Variants in GRID2 observed in about 807,000 individuals in gnomAD.
The protein encoded by GRID2 is glutamate ionotropic receptor delta type subunit 2, also known as glutamate receptor ionotropic, delta-2.
In GRID2, 33 loss-of-function variants were observed where a neutral mutation model predicts 114.8. That is an observed-to-expected ratio of 0.29 (90% CI 0.22 to 0.38). GRID2 has a LOEUF of 0.38. Among genes scored for constraint, GRID2 ranks in the 10% least tolerant of loss-of-function variants. GRID2 has a pLI of 1.00. For missense variants in GRID2, 1,184 were observed against 1,257.7 expected (o/e 0.94, Z 0.89); for synonymous variants, 505 against 449.9 (o/e 1.12, Z -1.55).
chr4:92,676,561 A>C (rs182840409), intron 2 of GRID2, among the ~76,000 whole-genome samples: 4 of 152,116 alleles, frequency 2.6e-5, no homozygotes, highest in Admixed American at 2.6e-4. Flanking sequence ...TATGTCCTTG[A>C]AGTTCACTGT....
intron 2 of GRID2, among the ~76,000 whole-genome samples, chr4:92,968,240 C>T (rs995263165): frequency 6.6e-6 from 1 of 151,888 alleles, no homozygotes; most frequent in African/African-American, 2.4e-5. Flanking sequence ...TAGATACAAT[C>T]TCCATTTTAC....
intron 4 of GRID2, among the ~76,000 whole-genome samples, chr4:93,142,111 G>C (rs1028964268): frequency 1.3e-5 from 2 of 152,164 alleles, no homozygotes; most frequent in African/African-American, 4.8e-5. Context: ...CCACCCAGGA[G>C]GCTGAGGCAT....
intron 2 of GRID2, among the ~76,000 whole-genome samples, chr4:92,608,925 T>C (rs1027392224): frequency 2.6e-5 from 4 of 151,838 alleles, no homozygotes; most frequent in African/African-American, 9.7e-5. Context: ...TGCAAAATAC[T>C]GTAAGTGCTA....
intron 5 of GRID2, among the ~76,000 whole-genome samples, chr4:93,216,474 T>C (rs1158370491): frequency 6.6e-6 from 1 of 152,174 alleles, no homozygotes; most frequent in African/African-American, 2.4e-5. Context: ...TATAAACTTA[T>C]TGTTAATAAC....
intron 9 of GRID2, among the ~76,000 whole-genome samples, chr4:93,410,318 AGT>A (rs1273016082): frequency 6.6e-6 from 1 of 152,078 alleles, no homozygotes; most frequent in Non-Finnish European, 1.5e-5. Context: ...TTCTCGTGTA[AGT>A]GTCTCAGACT....
chr4:92,988,449 G>C (rs550108652), intron 2 of GRID2, among the ~76,000 whole-genome samples: 13 of 152,276 alleles, frequency 8.5e-5, no homozygotes, highest in Non-Finnish European at 1.5e-4. Context: ...ACAAAAGCCA[G>C]ACTCTTCTTG....
At chr4:92,388,442 C>T (rs533521942) in intron 1 of GRID2, among the ~76,000 whole-genome samples, 1 of 152,064 alleles carries the variant, frequency 6.6e-6, no homozygotes, top group East Asian at 1.9e-4. Flanking sequence ...GCCTCCTACA[C>T]CTTGCCATGA....
chr4:93,093,086 G>C (rs1730920544), intron 3 of GRID2, among the ~76,000 whole-genome samples: 1 of 152,038 alleles, frequency 6.6e-6, no homozygotes, highest in African/African-American at 2.4e-5. Flanking sequence ...GCCCTTTAGA[G>C]TCAGCACTTA....
At chr4:93,437,579 A>C (rs190259157) in intron 10 of GRID2, among the ~76,000 whole-genome samples, 16 of 152,246 alleles carry the variant, frequency 1.1e-4, no homozygotes, top group African/African-American at 3.4e-4. Flanking sequence ...GTGAGATGTA[A>C]AAGATTTGCA....
At chr4:92,692,822 A>G (rs1277794910) in intron 2 of GRID2, among the ~76,000 whole-genome samples, 1 of 152,112 alleles carries the variant, frequency 6.6e-6, no homozygotes, top group Non-Finnish European at 1.5e-5. Context: ...CAGGAGTTCC[A>G]GACCAGCCTG....
intron 14 of GRID2, among the ~76,000 whole-genome samples, chr4:93,668,633 G>C (rs975622493): frequency 6.6e-6 from 1 of 152,070 alleles, no homozygotes; most frequent in Non-Finnish European, 1.5e-5. Context: ...TACAATTTGT[G>C]TGTGCTAATT....
intron 2 of GRID2, among the ~76,000 whole-genome samples, chr4:92,811,890 T>TTAAAGATG (rs1331356840): frequency 2.0e-5 from 3 of 152,232 alleles, no homozygotes; most frequent in African/African-American, 7.2e-5. Context: ...AGATTCAATT[T>TTAAAGATG]TAAAGATGTA....
chr4:92,694,406 A>G (rs1734330780), intron 2 of GRID2, among the ~76,000 whole-genome samples: 1 of 152,190 alleles, frequency 6.6e-6, no homozygotes, highest in Admixed American at 6.5e-5. Context: ...CTGGAAGACT[A>G]AAGTTTTGTC....
Position 92,961,090 on chromosome 4 carries a change from T to C in GRID2, c.245-123905T>C, listed in dbSNP as rs72885743. On this transcript the variant is annotated intron_variant, in intron 2 of 15. Transcript: ENST00000282020. ...TTCTAACTTCTTAAAAAATAATAAT[T>C]ACCCCCTCCATTCTTTGTATCATTG... Among the ~76,000 whole-genome samples, 253 of 151,984 alleles carry C rather than the reference T, an allele frequency of 1.7e-3. 2 individuals are homozygous for C. Among genetic ancestry groups the C allele is most frequent in the African/African-American group, 5.8e-3 (242 of 41,538 alleles).
intron 2 of GRID2, among the ~76,000 whole-genome samples, chr4:92,697,545 C>T (rs540735278): frequency 6.2e-4 from 95 of 152,226 alleles, no homozygotes; most frequent in African/African-American, 2.3e-3. Flanking sequence ...ACCAAAGCAA[C>T]AGGGTCCAAA....
intron 2 of GRID2, among the ~76,000 whole-genome samples, chr4:92,600,854 C>T (rs1466014984): frequency 6.6e-6 from 1 of 152,216 alleles, no homozygotes; most frequent in Non-Finnish European, 1.5e-5. Context: ...GAGTCTCACC[C>T]AGTCAGGAGG....
At chr4:92,452,562 G>A (rs1227694040) in intron 1 of GRID2, among the ~76,000 whole-genome samples, 1 of 152,072 alleles carries the variant, frequency 6.6e-6, no homozygotes, top group Admixed American at 6.6e-5. Context: ...CTGACCTCAG[G>A]TGATCCACCC....
chr4:93,419,074 CTTTT>C (rs58832079), intron 9 of GRID2, among the ~76,000 whole-genome samples: 6 of 109,498 alleles, frequency 5.5e-5, no homozygotes, highest in Admixed American at 1.8e-4. Flanking sequence ...CATGATTTTC[CTTTT>C]TTTTTTTTTT....
At chr4:93,391,584 C>A (rs1764856062) in intron 8 of GRID2, among the ~76,000 whole-genome samples, 1 of 152,112 alleles carries the variant, frequency 6.6e-6, no homozygotes, top group South Asian at 2.1e-4. Context: ...ATTAAGATCT[C>A]CCCTGACTCC....
Sources: gnomAD v4.1 joint callset for allele counts (sites outside exome capture counted in the v4.1 genomes callset) on GRCh38, gnomAD v4.1.1 for gene constraint, MANE v1.5 for transcripts, NCBI Gene and HGNC (gene_info 2026-07-23, HGNC 2026-07-21) for gene names.